RPL35A: variants seen among roughly 807,000 people sequenced by gnomAD.
RPL35A encodes ribosomal protein L35a.
Under a neutral mutation model 16.7 loss-of-function variants are expected in RPL35A, and 1 was observed. The observed-to-expected ratio is 0.06, with a 90% CI of 0.02 to 0.28. The LOEUF is 0.28. RPL35A is among the 10% of genes least tolerant of loss of function. The pLI, the probability that RPL35A is intolerant of heterozygous loss-of-function variation, is 1.00. For synonymous variants in RPL35A, 58 were observed against 47.0 expected (o/e 1.23, Z -0.96); for missense variants, 91 against 138.7 (o/e 0.66, Z 1.73).
rs1312324045 is a variant in RPL35A, at chr3:197,955,811, T to C, written c.*38T>C. On this transcript the variant is annotated 3_prime_UTR_variant, in exon 5 of 5. Coordinates refer to ENST00000647248, the MANE Select transcript of RPL35A (RefSeq NM_000996.4). ...TCAATAAATAAATGTGGATTTGTGC[T>C]CTTGTATTTTTAAGTGGATTAAAAA... 46 of 1,535,180 alleles carry C rather than the reference T, an allele frequency of 3.0e-5. No homozygotes were observed. Among genetic ancestry groups the C allele is most frequent in the Non-Finnish European group, 4.1e-5 (45 of 1,110,396 alleles).
chr3:197,954,113 T>C lies in RPL35A; in HGVS notation c.275T>C (p.Leu92Pro). 3.7e-6 allele frequency: 6 copies of C among 1,614,176 alleles called. No individual in the cohort carries two copies. Among genetic ancestry groups the C allele is most frequent in the Non-Finnish European group, 5.1e-6 (6 of 1,180,026 alleles). Residue 92 changes from leucine to proline, a missense_variant, in exon 4 of 5, where the codon CTT (leucine) becomes CCT (proline). Transcript: ENST00000647248. ...GMVRAKFRSN[L>P]PAKAIGHRIR... ...GTTCGTGCCAAATTCCGAAGCAATCTTCCTGCTAAGGCCATTGGACACAGA... is the reference window on the plus strand; with the variant it reads ...GTTCGTGCCAAATTCCGAAGCAATCCTCCTGCTAAGGCCATTGGACACAGA...
At chr3:197,952,301 C>T (rs1720172702) in intron 3 of RPL35A, among the ~76,000 whole-genome samples, 2 of 149,060 alleles carry the variant, frequency 1.3e-5, no homozygotes, top group Non-Finnish European at 3.0e-5. Context: ...TCCTGAGTAG[C>T]TGGGATTACA....
intron 3 of RPL35A, chr3:197,953,677 G>C (rs749164892): frequency 2.7e-5 from 12 of 441,054 alleles, no homozygotes; most frequent in Middle Eastern, 6.0e-4. Flanking sequence ...CCTCCTTTCT[G>C]TACACACAAA....
At chr3:197,953,376 T>TTAAAGGAAATATATA (rs1720275358) in intron 3 of RPL35A, 1 of 453,662 alleles carries the variant, frequency 2.2e-6, no homozygotes, top group Non-Finnish European at 4.4e-6. Context: ...CCCGTGGTCT[T>TTAAAGGAAATATATA]TAAAGGAAAT....
At chr3:197,954,352 G>T in intron 4 of RPL35A, 1 of 616,950 alleles carries the variant, frequency 1.6e-6, no homozygotes, top group Non-Finnish European at 2.9e-6. Flanking sequence ...TTTTTGGGGG[G>T]AGACAGGGTC....
chr3:197,951,052 GA>G, intron 2 of RPL35A, 74 bp downstream of exon 2: 2 of 1,605,536 alleles, frequency 1.2e-6, no homozygotes, highest in Non-Finnish European at 1.7e-6. Context: ...AAATTGGCAA[GA>G]AAAAACTTAG....
intron 1 of RPL35A, 87 bp downstream of exon 1, chr3:197,950,308 C>T (rs1199318277): frequency 2.4e-6 from 3 of 1,229,744 alleles, no homozygotes; most frequent in Non-Finnish European, 3.0e-6. Context: ...CGGTGCGTAT[C>T]GGAGTCTCTG....
rs540842558 is a variant in RPL35A, at chr3:197,956,359, T to A, written c.*586T>A. On this transcript the variant is annotated 3_prime_UTR_variant, in exon 5 of 5. Transcript: ENST00000647248. ...GGCAGTTCATTTGGATAGACTGGGA[T>A]GAGAAGCTCTTGGGACTTGTGACTG... is the stretch of plus-strand genomic sequence containing the variant. The A allele has an allele frequency of 3.8e-5, 6 of 155,950 alleles. No individual in the cohort carries two copies. The highest frequency in any genetic ancestry group is 1.4e-4 in the African/African-American group (6 of 41,570). 9.7% of individuals were successfully genotyped at this position (155,950 alleles called of 1,614,324 possible). A position where few individuals can be genotyped will look rare whatever the true frequency, so the allele number is the denominator to read the frequency against.
At chr3:197,952,098 C>A (rs1485515566) in intron 3 of RPL35A, among the ~76,000 whole-genome samples, 1 of 150,392 alleles carries the variant, frequency 6.6e-6, no homozygotes, top group Non-Finnish European at 1.5e-5. Flanking sequence ...CTCCTTTTGC[C>A]AGAATTTAAG....
rs749909017 is a variant in RPL35A, at chr3:197,956,015, C to T, written c.*242C>T. 2.0e-6 allele frequency: 1 copy of T among 511,094 alleles called. No individual in the cohort carries two copies. Among genetic ancestry groups the T allele is most frequent in the Non-Finnish European group, 3.6e-6 (1 of 280,842 alleles). The allele number at this position is 511,094 out of a possible 1,614,324, so 31.7% of individuals were successfully genotyped here. A position where few individuals can be genotyped will look rare whatever the true frequency, so the allele number is the denominator to read the frequency against. Reference sequence around the variant, plus strand: ...ACAGAGTCTTGCTCTGTTGCCCATGCTGGAGTGTAGTGGTGCTCGCTGCAG... The same window carrying T: ...ACAGAGTCTTGCTCTGTTGCCCATGTTGGAGTGTAGTGGTGCTCGCTGCAG... On this transcript the variant is annotated 3_prime_UTR_variant, in exon 5 of 5. Coordinates refer to ENST00000647248, the MANE Select transcript of RPL35A (RefSeq NM_000996.4).
At chr3:197,952,449 G>GT (rs2109809082) in intron 3 of RPL35A, 1 of 151,550 alleles carries the variant, frequency 6.6e-6, no homozygotes, top group South Asian at 2.1e-4. Context: ...ATTACAGGCA[G>GT]GAGCCACGGT....
At chr3:197,954,881 T>C (rs1348422198) in intron 4 of RPL35A, among the ~76,000 whole-genome samples, 1 of 152,192 alleles carries the variant, frequency 6.6e-6, no homozygotes, top group African/African-American at 2.4e-5. Context: ...AATTCAACAG[T>C]TACGCCTGGC....
chr3:197,950,231 G>T lies in RPL35A; in HGVS notation c.-33+10G>T, dbSNP rs1472192787. On this transcript the variant is annotated intron_variant, in intron 1 of 4. Coordinates refer to ENST00000647248, the MANE Select transcript of RPL35A (RefSeq NM_000996.4). The stretch of plus-strand genomic sequence containing the variant: ...CTTGGCTCCTGTGGAGGTGAGTGAA[G>T]GGTCTGCTGCTGAAATTTGGGGGCA... 1.6e-6 allele frequency: 2 copies of T among 1,230,922 alleles called. No homozygotes were observed. Among genetic ancestry groups the T allele is most frequent in the African/African-American group, 1.6e-5 (1 of 64,428 alleles). The allele number at this position is 1,230,922 out of a possible 1,614,324, so 76.2% of individuals were successfully genotyped here. A position where few individuals can be genotyped will look rare whatever the true frequency, so the allele number is the denominator to read the frequency against.
Position 197,956,418 on chromosome 3 carries a change from A to C in RPL35A, c.*645A>C, listed in dbSNP as rs1354180436. On this transcript the variant is annotated 3_prime_UTR_variant, in exon 5 of 5. Transcript: ENST00000647248. ...ATTCCAGTATATTAAAATAAAATTAAGCCATATTACTCCACTCATAAAAAG... is the reference window on the plus strand; with the variant it reads ...ATTCCAGTATATTAAAATAAAATTACGCCATATTACTCCACTCATAAAAAG... The C allele has an allele frequency of 1.3e-5, 2 of 153,274 alleles. No homozygotes were observed. Among genetic ancestry groups the C allele is most frequent in the Non-Finnish European group, 2.9e-5 (2 of 68,832 alleles). 9.5% of individuals were successfully genotyped at this position (153,274 alleles called of 1,614,324 possible).
At chr3:197,952,847 T>C (rs1213363272) in intron 3 of RPL35A, among the ~76,000 whole-genome samples, 1 of 152,064 alleles carries the variant, frequency 6.6e-6, no homozygotes, top group Admixed American at 6.6e-5. Context: ...TTTTTTTTTT[T>C]TTTGAGACAA....
chr3:197,951,401 T>G, intron 3 of RPL35A, 90 bp downstream of exon 3: 1 of 1,371,182 alleles, frequency 7.3e-7, no homozygotes, highest in Non-Finnish European at 1.0e-6. Flanking sequence ...TTGCCGAGGC[T>G]GGAATGCAGT....
intron 1 of RPL35A, chr3:197,950,512 C>G (rs942655631): frequency 9.8e-6 from 3 of 305,608 alleles, no homozygotes; most frequent in African/African-American, 6.5e-5. Flanking sequence ...TTCCTTCATC[C>G]GTTTCCTCCC....
In RPL35A at chr3:197,956,024, AG is replaced by A; in HGVS notation, c.*252del. 1.0e-5 allele frequency: 5 copies of A among 487,066 alleles called. No homozygotes were observed. Among genetic ancestry groups the A allele is most frequent in the Non-Finnish European group, 1.5e-5 (4 of 266,248 alleles). 30.2% of individuals were successfully genotyped at this position (487,066 alleles called of 1,614,324 possible). A position where few individuals can be genotyped will look rare whatever the true frequency, so the allele number is the denominator to read the frequency against. On this transcript the variant is annotated 3_prime_UTR_variant, in exon 5 of 5. Coordinates refer to ENST00000647248, the MANE Select transcript of RPL35A (RefSeq NM_000996.4). ...TGCTCTGTTGCCCATGCTGGAGTGT[AG>A]TGGTGCTCGCTGCAGCCTCACATTC...
chr3:197,951,068 TTGCTC>T, intron 2 of RPL35A, 86 bp from the exon 3 acceptor site: 1 of 1,602,094 alleles, frequency 6.2e-7, no homozygotes, highest in Admixed American at 1.7e-5. Context: ...ACTTAGATGT[TTGCTC>T]TGAGTAACTT....
Sources: gnomAD v4.1 joint callset for allele counts (sites outside exome capture counted in the v4.1 genomes callset) on GRCh38, gnomAD v4.1.1 for gene constraint, MANE v1.5 for transcripts, NCBI Gene and HGNC (gene_info 2026-07-23, HGNC 2026-07-21) for gene names.